The following PTPRD variants were observed in gnomAD, a reference collection of about 807,000 sequenced individuals.
The protein encoded by PTPRD is protein tyrosine phosphatase receptor type D, also known as receptor-type tyrosine-protein phosphatase delta.
A neutral mutation model predicts 214.5 loss-of-function variants in PTPRD; 34 were observed. That is an observed-to-expected ratio of 0.16 (90% CI 0.12 to 0.21). The LOEUF (loss-of-function observed/expected upper bound fraction) is 0.21, where lower values mean the gene tolerates loss of function less well. Among genes scored for constraint, PTPRD ranks in the 10% least tolerant of loss-of-function variants. The pLI, the probability that PTPRD is intolerant of heterozygous loss-of-function variation, is 1.00. For missense variants in PTPRD, 2,545 were observed against 2,398.7 expected, an observed-to-expected ratio of 1.06 and a Z score of -1.27; for synonymous variants, 1,128 against 845.7, an observed-to-expected ratio of 1.33 and a Z score of -5.79.
intron 14 of PTPRD, among the ~76,000 whole-genome samples, chr9:8,578,533 C>A (rs937855651): frequency 1.3e-5 from 2 of 152,130 alleles, no homozygotes; most frequent in Non-Finnish European, 1.5e-5. Context: ...GCTGTCAATA[C>A]AACAAAATGC....
At chr9:10,173,503 G>A (rs534057949) in intron 3 of PTPRD, among the ~76,000 whole-genome samples, 1 of 152,072 alleles carries the variant, frequency 6.6e-6, no homozygotes, top group Admixed American at 6.6e-5. Context: ...TGTTCCAGAA[G>A]GATAATGTCC....
rs552579783 is a variant in PTPRD at position 9,039,512 on chromosome 9, A to C, written c.-142-20777T>G. 1.1e-4 allele frequency among the ~76,000 whole-genome samples: 16 copies of C among 152,286 alleles called. No individual in the cohort carries two copies. In the South Asian group the frequency reaches 3.3e-3, roughly 32 times the overall value. ...GCCCACCATCCTGCTTTTGTAAATA[A>C]GGTTTTTTGTGGAACACAACCATTG... On this transcript the variant is annotated intron_variant, in intron 10 of 45. Coordinates refer to ENST00000381196, the MANE Select transcript of PTPRD (RefSeq NM_002839.4).
intron 3 of PTPRD, among the ~76,000 whole-genome samples, chr9:10,055,261 T>A (rs943048476): frequency 2.6e-5 from 4 of 152,180 alleles, no homozygotes; most frequent in Non-Finnish European, 2.9e-5. Flanking sequence ...TGGTGCGACT[T>A]TTCTTTGACA....
In PTPRD at chr9:10,391,296, T is replaced by G. The variant is rs149787142; in HGVS notation, c.-599-50279A>C. Reference sequence around the variant, plus strand: ...GATTATTTTTGTGGTTTGGACAATATTCACATTATTATCTACATTAAAATC... The same window carrying G: ...GATTATTTTTGTGGTTTGGACAATAGTCACATTATTATCTACATTAAAATC... On this transcript the variant is annotated intron_variant, in intron 2 of 45. Transcript: ENST00000381196. Among the ~76,000 whole-genome samples the G allele has an allele frequency of 4.3e-4, 65 of 151,920 alleles. 1 individual carries two copies. In the East Asian group the frequency reaches 0.012, roughly 27 times the overall value.
chr9:10,168,821 T>C (rs1219917875), intron 3 of PTPRD, among the ~76,000 whole-genome samples: 1 of 152,190 alleles, frequency 6.6e-6, no homozygotes, highest in Non-Finnish European at 1.5e-5. Context: ...TATTACATAA[T>C]GAAATATACA....
chr9:8,826,241 C>T (rs934970816), intron 11 of PTPRD, among the ~76,000 whole-genome samples: 6 of 149,580 alleles, frequency 4.0e-5, no homozygotes, highest in Non-Finnish European at 8.9e-5. Context: ...CCTAAATGGC[C>T]TTCCTATTTC....
At chr9:8,669,689 G>C (rs542776952) in intron 12 of PTPRD, among the ~76,000 whole-genome samples, 2 of 152,294 alleles carry the variant, frequency 1.3e-5, no homozygotes, top group East Asian at 3.9e-4. Flanking sequence ...AGTAAGAGTA[G>C]AGAAATAGGT....
chr9:10,443,038 T>C (rs1225163303), intron 2 of PTPRD, among the ~76,000 whole-genome samples: 2 of 150,250 alleles, frequency 1.3e-5, no homozygotes, highest in African/African-American at 4.9e-5. Flanking sequence ...TTAAGATAAT[T>C]AGGAAAATGA....
intron 33 of PTPRD, among the ~76,000 whole-genome samples, chr9:8,450,983 G>T (rs1014274949): frequency 6.6e-6 from 1 of 151,992 alleles, no homozygotes; most frequent in Non-Finnish European, 1.5e-5. Context: ...CCTTTTCTCT[G>T]TTCGATGTGA....
chr9:8,848,223 A>G (rs1263012968), intron 11 of PTPRD, among the ~76,000 whole-genome samples: 1 of 151,648 alleles, frequency 6.6e-6, no homozygotes, highest in Non-Finnish European at 1.5e-5. Flanking sequence ...GTTTTTTTCA[A>G]TGCCTCCAGT....
intron 12 of PTPRD, among the ~76,000 whole-genome samples, chr9:8,682,603 T>A (rs2097572168): frequency 6.6e-6 from 1 of 152,224 alleles, no homozygotes; most frequent in African/African-American, 2.4e-5. Flanking sequence ...TATGGCAATT[T>A]GTTGTTAGCA....
At chr9:9,182,926 G>A (rs1036367029) in intron 10 of PTPRD, among the ~76,000 whole-genome samples, 3 of 151,832 alleles carry the variant, frequency 2.0e-5, no homozygotes, top group East Asian at 3.9e-4. Flanking sequence ...CCACCACCGA[G>A]GGCTAATAAT....
intron 5 of PTPRD, among the ~76,000 whole-genome samples, chr9:9,823,511 C>T (rs2051536782): frequency 6.6e-6 from 1 of 151,768 alleles, no homozygotes; most frequent in African/African-American, 2.4e-5. Context: ...GACAAATATC[C>T]AAACTATACC....
intron 2 of PTPRD, among the ~76,000 whole-genome samples, chr9:10,525,911 T>C (rs897148502): frequency 3.9e-5 from 6 of 152,108 alleles, no homozygotes; most frequent in Non-Finnish European, 8.8e-5. Flanking sequence ...TGCATTGCCC[T>C]AATACTGTGC....
chr9:9,563,093 C>T (rs547498236), intron 8 of PTPRD, among the ~76,000 whole-genome samples: 2 of 152,234 alleles, frequency 1.3e-5, no homozygotes, highest in South Asian at 4.1e-4. Context: ...ATTGTACCCA[C>T]TTTATTATAA....
chr9:9,570,166 C>T (rs764443727), intron 8 of PTPRD, among the ~76,000 whole-genome samples: 9 of 151,548 alleles, frequency 5.9e-5, no homozygotes, highest in Non-Finnish European at 1.2e-4. Flanking sequence ...ATTTATGTTA[C>T]CAAAACTTTT....
intron 2 of PTPRD, among the ~76,000 whole-genome samples, chr9:10,370,595 G>T (rs971794397): frequency 6.6e-6 from 1 of 151,850 alleles, no homozygotes; most frequent in East Asian, 1.9e-4. Context: ...AATACATTTT[G>T]AATTGAAGTC....
intron 3 of PTPRD, among the ~76,000 whole-genome samples, chr9:10,266,538 G>A (rs142241280): frequency 4.6e-5 from 7 of 152,064 alleles, no homozygotes; most frequent in African/African-American, 1.2e-4. Context: ...AAAGAAATCC[G>A]GTTAATGTTA....
At chr9:10,375,023 G>T (rs184964319) in intron 2 of PTPRD, among the ~76,000 whole-genome samples, 9 of 152,078 alleles carry the variant, frequency 5.9e-5, no homozygotes, top group African/African-American at 1.9e-4. Flanking sequence ...TTGAATTATT[G>T]TTAACTACAG....
Sources: gnomAD v4.1 joint callset for allele counts (sites outside exome capture counted in the v4.1 genomes callset) on GRCh38, gnomAD v4.1.1 for gene constraint, MANE v1.5 for transcripts, NCBI Gene and HGNC (gene_info 2026-07-23, HGNC 2026-07-21) for gene names.